The following ME3 variants were observed in gnomAD, a reference collection of about 807,000 sequenced individuals.
The protein encoded by ME3 is malic enzyme 3.
In ME3, 48 loss-of-function variants were observed where a neutral mutation model predicts 68.9. The ratio of observed to expected loss-of-function variants is 0.70; its 90% confidence interval spans 0.55 to 0.89. The LOEUF is 0.89. Among genes scored for constraint, ME3 ranks in the 40% least tolerant of loss-of-function variants. The pLI is 0.00. For synonymous variants in ME3, 320 were observed against 318.8 expected (o/e 1.00, Z -0.04); for missense variants, 675 against 797.4 (o/e 0.85, Z 1.85).
At chr11:86,598,901 G>A (rs10898507) in intron 2 of ME3, among the ~76,000 whole-genome samples, 19,868 of 152,180 alleles carry the variant, frequency 0.13, 1,749 homozygotes, top group East Asian at 0.39. Flanking sequence ...CTGTCTGTTA[G>A]AAGGAAAACT....
intron 8 of ME3, chr11:86,457,743 A>G: frequency 7.8e-7 from 1 of 1,286,978 alleles, no homozygotes; most frequent in Admixed American, 2.3e-5. Flanking sequence ...GGCAGCTGAA[A>G]GTGTGGCAGG....
At chr11:86,650,354 C>T (rs1164022043) in intron 2 of ME3, among the ~76,000 whole-genome samples, 1 of 152,010 alleles carries the variant, frequency 6.6e-6, no homozygotes, top group African/African-American at 2.4e-5. Flanking sequence ...CCATAAAAAC[C>T]CTAGAAGAAA....
At chr11:86,589,617 G>A (rs56323342) in intron 2 of ME3, among the ~76,000 whole-genome samples, 6,551 of 152,224 alleles carry the variant, frequency 0.043, 148 homozygotes, top group Middle Eastern at 0.11. Context: ...TTCCTATTTT[G>A]TATGTTTTAA....
At chr11:86,540,287 T>TG (rs1242943319) in intron 4 of ME3, among the ~76,000 whole-genome samples, 3 of 152,218 alleles carry the variant, frequency 2.0e-5, no homozygotes, top group Non-Finnish European at 4.4e-5. Flanking sequence ...TGCAAGCTGT[T>TG]GCGGTTCTAC....
chr11:86,659,625 T>G (rs575270037), intron 2 of ME3, among the ~76,000 whole-genome samples: 12 of 152,202 alleles, frequency 7.9e-5, no homozygotes, highest in Non-Finnish European at 1.6e-4. Flanking sequence ...CCCGTGGCAG[T>G]GTGGATGGAG....
chr11:86,615,016 C>A (rs1435925599), intron 2 of ME3, among the ~76,000 whole-genome samples: 2 of 148,360 alleles, frequency 1.3e-5, no homozygotes, highest in Non-Finnish European at 3.0e-5. Context: ...TCTGGCGGAA[C>A]CAAATCGTTT....
chr11:86,462,541 A>T (rs1442668175), intron 8 of ME3: 5 of 1,214,194 alleles, frequency 4.1e-6, no homozygotes, highest in Non-Finnish European at 5.3e-6. Context: ...CTGCAGGGGC[A>T]GGTGTCCAGT....
chr11:86,584,103 T>C (rs1379127936), intron 2 of ME3, among the ~76,000 whole-genome samples: 3 of 152,126 alleles, frequency 2.0e-5, no homozygotes, highest in African/African-American at 7.2e-5. Flanking sequence ...TATAAGGAAC[T>C]CTTACAACTC....
intron 4 of ME3, among the ~76,000 whole-genome samples, chr11:86,529,730 C>T (rs1955058352): frequency 6.6e-6 from 1 of 152,102 alleles, no homozygotes; most frequent in African/African-American, 2.4e-5. Context: ...TGTAATCTAG[C>T]ATATAAACAG....
intron 4 of ME3, among the ~76,000 whole-genome samples, chr11:86,550,870 G>A (rs7927795): frequency 6.6e-6 from 1 of 152,066 alleles, no homozygotes; most frequent in Non-Finnish European, 1.5e-5. Context: ...TGATCAAAGT[G>A]TTGGCATTCA....
intron 7 of ME3, among the ~76,000 whole-genome samples, chr11:86,473,654 G>A (rs1170279991): frequency 6.6e-6 from 1 of 152,154 alleles, no homozygotes; most frequent in Non-Finnish European, 1.5e-5. Flanking sequence ...ATAAGAGGCC[G>A]TCACAGCACA....
chr11:86,660,940 G>A (rs550990499), intron 2 of ME3, among the ~76,000 whole-genome samples: 1 of 152,112 alleles, frequency 6.6e-6, no homozygotes, highest in Admixed American at 6.5e-5. Flanking sequence ...AGAGGGTCAG[G>A]TCAAGATTTT....
In ME3 at chr11:86,618,462, G is replaced by A. The variant is rs560953751; in HGVS notation, c.183+53300C>T. ...AAATGAGATAATGTCTGTGAAAAAC[G>A]CCTTCCACAGAGGTCACATTTAGGA... On this transcript the variant is annotated intron_variant, in intron 2 of 14. Transcript: ENST00000543262. 1.1e-4 allele frequency among the ~76,000 whole-genome samples: 17 copies of A among 152,134 alleles called. No homozygotes were observed. The East Asian group carries it at 2.7e-3, about 24-fold the overall frequency.
the ME3 span, chr11:86,435,418 G>A: frequency 6.6e-6 from 1 of 152,228 alleles, no homozygotes; most frequent in Non-Finnish European, 1.5e-5. Flanking sequence ...AGAGGGAGGA[G>A]TCCTCCTGAG....
intron 2 of ME3, among the ~76,000 whole-genome samples, chr11:86,617,447 G>T (rs564946914): frequency 6.6e-6 from 1 of 152,238 alleles, no homozygotes; most frequent in African/African-American, 2.4e-5. Flanking sequence ...GATAACTGAT[G>T]TGGGCTTTGG....
intron 2 of ME3, among the ~76,000 whole-genome samples, chr11:86,581,693 C>A (rs1350983024): frequency 6.6e-6 from 1 of 152,120 alleles, no homozygotes; most frequent in African/African-American, 2.4e-5. Flanking sequence ...ATGTCAAACA[C>A]CACATGCCCC....
intron 13 of ME3, among the ~76,000 whole-genome samples, chr11:86,444,587 T>A (rs1949179657): frequency 6.6e-6 from 1 of 152,204 alleles, no homozygotes; most frequent in Admixed American, 6.5e-5. Context: ...TGTGATCACA[T>A]CTAAGACGGT....
At chr11:86,504,042 C>T (rs1045951465) in intron 5 of ME3, among the ~76,000 whole-genome samples, 3 of 152,214 alleles carry the variant, frequency 2.0e-5, no homozygotes, top group African/African-American at 7.2e-5. Flanking sequence ...TTCGTGGTCT[C>T]CCCAGCCCTG....
chr11:86,597,787 C>T (rs1475875423), intron 2 of ME3, among the ~76,000 whole-genome samples: 1 of 152,090 alleles, frequency 6.6e-6, no homozygotes, highest in Non-Finnish European at 1.5e-5. Context: ...GGTTGGGGTA[C>T]AGCTTGGTTT....
Sources: gnomAD v4.1 joint callset for allele counts (sites outside exome capture counted in the v4.1 genomes callset) on GRCh38, gnomAD v4.1.1 for gene constraint, MANE v1.5 for transcripts, NCBI Gene and HGNC (gene_info 2026-07-23, HGNC 2026-07-21) for gene names.